THADA: variants seen among roughly 807,000 people sequenced by gnomAD.
The protein encoded by THADA is THADA armadillo repeat containing.
In THADA, 213 loss-of-function variants were observed where a neutral mutation model predicts 219.8. The ratio of observed to expected loss-of-function variants is 0.97; its 90% CI spans 0.87 to 1.09. THADA has a LOEUF of 1.09. Ranked by LOEUF, THADA falls within the 50% of genes least tolerant of loss-of-function variation. The probability of loss-of-function intolerance (pLI) is 0.00; values close to 1 mark genes in which losing one functional copy is unlikely to be tolerated. For synonymous variants in THADA, 1,018 were observed against 828.9 expected, an observed-to-expected ratio of 1.23 and a Z score of -3.92; for missense variants, 2,956 against 2,311.3, an observed-to-expected ratio of 1.28 and a Z score of -5.72.
chr2:43,549,755 T>A (rs1415950103), intron 19 of THADA, among the ~76,000 whole-genome samples: 1 of 151,738 alleles, frequency 6.6e-6, no homozygotes, highest in Non-Finnish European at 1.5e-5. Context: ...GAAAGAAAAA[T>A]GAAGCAGGCA....
chr2:43,541,155 T>G lies in THADA; in HGVS notation c.3264+4A>C. ...ATACATGGTGGAATAAACATGTGCC[T>G]TACCTGCTCCACCGTCAATAATCCA... On this transcript the variant is annotated splice_donor_region_variant and intron_variant, in intron 21 of 37. Coordinates refer to ENST00000405975, the MANE Select transcript of THADA (RefSeq NM_022065.5). 6.4e-7 allele frequency: 1 copy of G among 1,556,526 alleles called. No individual in the cohort carries two copies. The highest frequency in any genetic ancestry group is 8.6e-7 in the Non-Finnish European group (1 of 1,157,740).
chr2:43,435,265 A>C (rs1299627071), intron 26 of THADA, among the ~76,000 whole-genome samples: 3 of 151,818 alleles, frequency 2.0e-5, no homozygotes, highest in Admixed American at 1.3e-4. Flanking sequence ...GACCAGCCTG[A>C]CCAACATGGA....
chr2:43,560,248 CTGT>C lies in THADA; in HGVS notation c.2446_2448del (p.Thr816del). 6.2e-7 allele frequency: 1 copy of C among 1,611,218 alleles called. No homozygotes were observed. The highest frequency in any genetic ancestry group is 8.5e-7 in the Non-Finnish European group (1 of 1,178,952). On this transcript the variant is annotated inframe_deletion, in exon 16 of 38. Coordinates refer to ENST00000405975, the MANE Select transcript of THADA (RefSeq NM_022065.5). The stretch of plus-strand genomic sequence containing the variant: ...AGTCCTGATACCTGAAAATGTACAG[CTGT>C]TTTTGATAACTTCATCAGAAGATCA...
intron 17 of THADA, among the ~76,000 whole-genome samples, chr2:43,553,819 T>C (rs1287783694): frequency 1.3e-5 from 2 of 152,224 alleles, no homozygotes; most frequent in African/African-American, 4.8e-5. Flanking sequence ...TCCTATGGGA[T>C]GTGAAGTGCT....
chr2:43,361,370 T>C (rs1284446594), intron 29 of THADA, among the ~76,000 whole-genome samples: 4 of 152,212 alleles, frequency 2.6e-5, no homozygotes, highest in African/African-American at 9.6e-5. Context: ...CTTTGTAATT[T>C]CTCTTTAAAA....
At chr2:43,302,885 G>C (rs2104411551) in intron 31 of THADA, among the ~76,000 whole-genome samples, 1 of 152,086 alleles carries the variant, frequency 6.6e-6, no homozygotes, top group South Asian at 2.1e-4. Flanking sequence ...CCTGTGACTA[G>C]CCATTGCACT....
chr2:43,321,181 CT>C (rs898311414), intron 30 of THADA, among the ~76,000 whole-genome samples: 7 of 152,138 alleles, frequency 4.6e-5, no homozygotes, highest in Non-Finnish European at 1.0e-4. Context: ...TGAAGAAAGA[CT>C]TTCTTTTTAA....
intron 36 of THADA, among the ~76,000 whole-genome samples, chr2:43,278,630 G>A (rs182666706): frequency 9.8e-5 from 15 of 152,322 alleles, no homozygotes; most frequent in Admixed American, 5.9e-4. Context: ...TGATCTAGGC[G>A]AAACCTGCCC....
intron 8 of THADA, among the ~76,000 whole-genome samples, chr2:43,579,317 A>G (rs1700170874): frequency 6.6e-6 from 1 of 152,224 alleles, no homozygotes; most frequent in Non-Finnish European, 1.5e-5. Flanking sequence ...ACTTTTTCAA[A>G]AAGAGATTTC....
chr2:43,520,713 T>TACAC lies in THADA; in HGVS notation c.3374+7162_3374+7165dup, dbSNP rs145550774. 8.8e-3 allele frequency among the ~76,000 whole-genome samples: 1,095 copies of TACAC among 125,078 alleles called. 22 individuals carry two copies. The highest frequency in any genetic ancestry group is 0.03 in the African/African-American group (1,011 of 33,596). 82.1% of individuals were successfully genotyped at this position (125,078 alleles called of 152,430 possible). On this transcript the variant is annotated intron_variant, in intron 22 of 37. Coordinates refer to ENST00000405975, the MANE Select transcript of THADA (RefSeq NM_022065.5). ...TCAAATATTTATACGTATATATATA[T>TACAC]ACACACACACACACACACACACACA...
intron 26 of THADA, among the ~76,000 whole-genome samples, chr2:43,452,735 T>A (rs1459208335): frequency 6.6e-6 from 1 of 152,146 alleles, no homozygotes; most frequent in Non-Finnish European, 1.5e-5. Context: ...TTTATGGGAG[T>A]AGATGAACAG....
At chr2:43,240,737 G>A (rs377489610) in intron 36 of THADA, among the ~76,000 whole-genome samples, 1 of 152,264 alleles carries the variant, frequency 6.6e-6, no homozygotes, top group East Asian at 1.9e-4. Flanking sequence ...CCTAAGGAAT[G>A]GAAGGGGATC....
intron 29 of THADA, among the ~76,000 whole-genome samples, chr2:43,396,326 G>A (rs1271468378): frequency 1.3e-5 from 2 of 152,096 alleles, no homozygotes; most frequent in South Asian, 2.1e-4. Flanking sequence ...CATTTTCCCC[G>A]ATTTCCTAGA....
intron 7 of THADA, among the ~76,000 whole-genome samples, chr2:43,584,037 TA>T (rs536050936): frequency 0.048 from 3,149 of 65,604 alleles, 84 homozygotes; most frequent in African/African-American, 0.13. Flanking sequence ...TTGTCTCAAT[TA>T]AAAAAAAAAA....
chr2:43,595,019 T>C (rs946105743), intron 1 of THADA, among the ~76,000 whole-genome samples: 3 of 152,260 alleles, frequency 2.0e-5, no homozygotes, highest in Admixed American at 6.5e-5. Context: ...GCAGCAACTT[T>C]AATCTATTTT....
chr2:43,329,245 T>A (rs1393160344), intron 30 of THADA, among the ~76,000 whole-genome samples: 1 of 152,224 alleles, frequency 6.6e-6, no homozygotes, highest in Non-Finnish European at 1.5e-5. Context: ...ATTGTACAGT[T>A]TGGGGCTTGG....
chr2:43,316,963 G>A (rs1678156127), intron 31 of THADA, among the ~76,000 whole-genome samples: 1 of 152,196 alleles, frequency 6.6e-6, no homozygotes, highest in Non-Finnish European at 1.5e-5. Context: ...ATATTATTGA[G>A]CATTTATTCT....
At chr2:43,302,004 T>C (rs1190769045) in intron 31 of THADA, among the ~76,000 whole-genome samples, 1 of 152,152 alleles carries the variant, frequency 6.6e-6, no homozygotes, top group African/African-American at 2.4e-5. Context: ...AGCAGCCTTC[T>C]TCTTTAGCAG....
chr2:43,519,128 G>A (rs750820805), intron 22 of THADA, among the ~76,000 whole-genome samples: 2 of 151,906 alleles, frequency 1.3e-5, no homozygotes, highest in South Asian at 2.1e-4. Flanking sequence ...GGTCTTTAAC[G>A]TCTGTCTTGT....
Sources: gnomAD v4.1 joint callset for allele counts (sites outside exome capture counted in the v4.1 genomes callset) on GRCh38, gnomAD v4.1.1 for gene constraint, MANE v1.5 for transcripts, NCBI Gene and HGNC (gene_info 2026-07-23, HGNC 2026-07-21) for gene names.